The following RORA variants were observed in gnomAD, a reference collection of about 807,000 sequenced individuals.
RORA encodes the protein nuclear receptor ROR-alpha.
Under a neutral mutation model 69.5 loss-of-function variants are expected in RORA, and 7 were observed. The observed-to-expected ratio is 0.10, with a 90% CI of 0.06 to 0.19. RORA has a LOEUF of 0.19. RORA is among the 10% of genes least tolerant of loss of function. The pLI is 1.00. For missense variants in RORA, 457 were observed against 663.0 expected (o/e 0.69, Z 3.41); for synonymous variants, 261 against 240.8 (o/e 1.08, Z -0.78).
chr15:60,753,331 A>G (rs1245543438), intron 1 of RORA, among the ~76,000 whole-genome samples: 1 of 152,246 alleles, frequency 6.6e-6, no homozygotes, highest in African/African-American at 2.4e-5. Flanking sequence ...CCATCCGTTC[A>G]TTCTGTTAAT....
intron 1 of RORA, chr15:61,194,106 A>T (rs1392388347): frequency 6.6e-6 from 1 of 152,230 alleles, no homozygotes; most frequent in Non-Finnish European, 1.5e-5. Context: ...GATAGCACTA[A>T]TGAAATTGCT....
rs564748474 is a variant in RORA at position 61,080,505 on chromosome 15, C to G, written c.166+148548G>C. 9.9e-5 allele frequency among the ~76,000 whole-genome samples: 15 copies of G among 152,236 alleles called. No homozygotes were observed. In the South Asian group the frequency reaches 1.5e-3, roughly 15 times the overall value. On this transcript the variant is annotated intron_variant, in intron 1 of 10. Transcript: ENST00000335670. The stretch of plus-strand genomic sequence containing the variant: ...GCGAATGGATGAATGCAAATAGATA[C>G]CATTTCCAAACCTGCATAGATCTGG...
chr15:60,514,430 TGAG>T (rs1320669809), intron 4 of RORA, among the ~76,000 whole-genome samples, 183 bp downstream of exon 4: 4 of 151,030 alleles, frequency 2.6e-5, no homozygotes, highest in Non-Finnish European at 5.9e-5. Flanking sequence ...ACTCTGAGGA[TGAG>T]GAGGAGGAGG....
chr15:60,820,157 C>T (rs2072874959), intron 1 of RORA, among the ~76,000 whole-genome samples: 1 of 152,244 alleles, frequency 6.6e-6, no homozygotes, highest in Non-Finnish European at 1.5e-5. Flanking sequence ...GGCTGCAAGT[C>T]AGGACGCTGC....
chr15:61,114,832 C>G (rs1335972758), intron 1 of RORA, among the ~76,000 whole-genome samples: 2 of 152,190 alleles, frequency 1.3e-5, no homozygotes, highest in East Asian at 3.8e-4. Context: ...TCAGGACAAC[C>G]CCCAGGGCCT....
Position 60,828,526 on chromosome 15 carries a change from C to T in RORA, c.167-149840G>A, listed in dbSNP as rs1185973174. ...TCTCTGGGTGGCTAGTGACTGAGGC[C>T]GCTGAGTGTGGAGAGGACACACCCT... On this transcript the variant is annotated intron_variant, in intron 1 of 10. Coordinates refer to ENST00000335670, the MANE Select transcript of RORA (RefSeq NM_134261.3). Among the ~76,000 whole-genome samples, 10 of 152,074 alleles carry T rather than the reference C, an allele frequency of 6.6e-5. 1 individual carries two copies. Among genetic ancestry groups the T allele is most frequent in the Admixed American group, 6.5e-4 (10 of 15,270 alleles).
At chr15:60,538,047 G>A (rs1333905640) in intron 2 of RORA, among the ~76,000 whole-genome samples, 1 of 152,170 alleles carries the variant, frequency 6.6e-6, no homozygotes, top group African/African-American at 2.4e-5. Flanking sequence ...CGGAAAATGA[G>A]CCTCAGGAGG....
In RORA at chr15:61,190,315, T is replaced by C. The variant is rs554546828; in HGVS notation, c.166+38738A>G. Among the ~76,000 whole-genome samples, 4 of 152,350 alleles carry C rather than the reference T, an allele frequency of 2.6e-5. No homozygotes were observed. In the South Asian group the frequency reaches 8.3e-4, roughly 32 times the overall value. On this transcript the variant is annotated intron_variant, in intron 1 of 10. Coordinates refer to ENST00000335670, the MANE Select transcript of RORA (RefSeq NM_134261.3). ...TAACAAAAGGGACACCAATAAGTTC[T>C]ATAAAATTGATTGTTTTACACGGTG...
intron 1 of RORA, among the ~76,000 whole-genome samples, chr15:60,709,087 C>A (rs1262109610): frequency 6.6e-6 from 1 of 152,180 alleles, no homozygotes; most frequent in Non-Finnish European, 1.5e-5. Context: ...TTTTCCATCC[C>A]TTCCTCCAGG....
intron 2 of RORA, among the ~76,000 whole-genome samples, chr15:60,659,608 C>T (rs1028175314): frequency 1.3e-5 from 2 of 152,146 alleles, no homozygotes; most frequent in African/African-American, 4.8e-5. Context: ...TTCAAGAGAT[C>T]ATCGTTGACT....
At position 60,910,884 on chromosome 15, in the gene RORA, T is replaced by TC. The variant is rs200505411; in HGVS notation, c.167-232199_167-232198insG. 5.5e-3 allele frequency among the ~76,000 whole-genome samples: 797 copies of TC among 145,578 alleles called. 12 individuals carry two copies. Among genetic ancestry groups the TC allele is most frequent in the African/African-American group, 0.019 (758 of 39,024 alleles). ...TTATGAGGCTCTGGCTGTTTTTTTT[T>TC]TGTTGTTGTTGTTTTTTGGGTTTTT... is the stretch of plus-strand genomic sequence containing the variant. On this transcript the variant is annotated intron_variant, in intron 1 of 10. Coordinates refer to ENST00000335670, the MANE Select transcript of RORA (RefSeq NM_134261.3).
intron 1 of RORA, among the ~76,000 whole-genome samples, chr15:61,139,437 A>G (rs908387918): frequency 5.7e-4 from 87 of 152,220 alleles, no homozygotes; most frequent in African/African-American, 2.0e-3. Flanking sequence ...ACAAACCAAC[A>G]AAGTAATGAA....
At chr15:60,758,711 G>A (rs915614363) in intron 1 of RORA, among the ~76,000 whole-genome samples, 9 of 152,172 alleles carry the variant, frequency 5.9e-5, no homozygotes, top group Admixed American at 5.2e-4. Context: ...CCCTGCCATC[G>A]GTACATAAGA....
chr15:60,786,646 C>A (rs1042911248), intron 1 of RORA, among the ~76,000 whole-genome samples: 1 of 152,216 alleles, frequency 6.6e-6, no homozygotes, highest in Non-Finnish European at 1.5e-5. Flanking sequence ...TCGTGATGCA[C>A]AGAGACCCAG....
chr15:61,182,173 C>G lies in RORA; in HGVS notation c.166+46880G>C, dbSNP rs74764003. Among the ~76,000 whole-genome samples the G allele has an allele frequency of 3.8e-3, 584 of 152,226 alleles. 4 individuals carry two copies. Among genetic ancestry groups the G allele is most frequent in the African/African-American group, 0.014 (567 of 41,528 alleles). On this transcript the variant is annotated intron_variant, in intron 1 of 10. Coordinates refer to ENST00000335670, the MANE Select transcript of RORA (RefSeq NM_134261.3). Reference sequence around the variant, plus strand: ...CCAAGAAGGAAATCTCACCATGGAACTACAGAATGTTACCAGTGAAAGTCT... The same window carrying G: ...CCAAGAAGGAAATCTCACCATGGAAGTACAGAATGTTACCAGTGAAAGTCT...
intron 1 of RORA, among the ~76,000 whole-genome samples, chr15:60,908,196 G>T (rs997626243): frequency 1.3e-5 from 2 of 152,232 alleles, no homozygotes; most frequent in African/African-American, 4.8e-5. Flanking sequence ...CATTAGCCTG[G>T]CCTTGAGGGG....
intron 1 of RORA, among the ~76,000 whole-genome samples, chr15:60,862,784 C>T (rs890674245): frequency 1.3e-4 from 20 of 152,270 alleles, no homozygotes; most frequent in African/African-American, 4.1e-4. Context: ...ATTCTGAGGT[C>T]GGAGCCTTAA....
At chr15:60,967,448 G>A (rs1893586736) in intron 1 of RORA, among the ~76,000 whole-genome samples, 1 of 152,152 alleles carries the variant, frequency 6.6e-6, no homozygotes, top group Non-Finnish European at 1.5e-5. Flanking sequence ...AAGCAAAGAA[G>A]TGCCCATGTC....
At chr15:61,104,065 G>C (rs564255383) in intron 1 of RORA, among the ~76,000 whole-genome samples, 71 of 152,144 alleles carry the variant, frequency 4.7e-4, no homozygotes, top group Admixed American at 7.9e-4. Flanking sequence ...GGCTGCATTT[G>C]GGGAGGTGGG....
Sources: allele counts gnomAD v4.1 joint callset (sites outside exome capture counted in the v4.1 genomes callset), GRCh38; gene constraint gnomAD v4.1.1; transcripts MANE v1.5; gene names NCBI Gene and HGNC (gene_info 2026-07-23, HGNC 2026-07-21).